The following RAB6B variants were observed in gnomAD, a reference collection of about 807,000 sequenced individuals.
RAB6B encodes the protein ras-related protein Rab-6B.
RAB6B carries 7 observed loss-of-function variants against 31.2 expected under a neutral mutation model. That is an observed-to-expected ratio of 0.22 (90% CI 0.13 to 0.42). The LOEUF is 0.42. RAB6B is among the 10% of genes least tolerant of loss of function. The pLI, the probability that RAB6B is intolerant of heterozygous loss-of-function variation, is 1.00. For missense variants in RAB6B, 149 were observed against 280.6 expected (o/e 0.53, Z 3.35); for synonymous variants, 105 against 104.9 (o/e 1.00, Z -0.01).
At chr3:133,835,946 T>C (rs1299585074) in intron 6 of RAB6B, among the ~76,000 whole-genome samples, 1 of 152,158 alleles carries the variant, frequency 6.6e-6, no homozygotes, top group Non-Finnish European at 1.5e-5. Flanking sequence ...CTGCCTATAG[T>C]GATTTGTTAC....
At chr3:133,846,171 G>C (rs1013919319) in intron 2 of RAB6B, among the ~76,000 whole-genome samples, 3 of 152,222 alleles carry the variant, frequency 2.0e-5, no homozygotes, top group Admixed American at 1.3e-4. Flanking sequence ...TGGAAGCTGG[G>C]CATGGTGGCT....
intron 7 of RAB6B, among the ~76,000 whole-genome samples, chr3:133,829,665 T>C (rs538024524): frequency 1.3e-5 from 2 of 152,222 alleles, no homozygotes; most frequent in Non-Finnish European, 2.9e-5. Flanking sequence ...AACACTGTTT[T>C]GGAACTTCTT....
At position 133,827,358 on chromosome 3, in the gene RAB6B, C is replaced by G. The variant is rs1935581130; in HGVS notation, c.*1430G>C. 6.6e-6 allele frequency: 1 copy of G among 152,360 alleles called. No individual in the cohort carries two copies. Among genetic ancestry groups the G allele is most frequent in the Non-Finnish European group, 1.5e-5 (1 of 68,144 alleles). 9.4% of individuals were successfully genotyped at this position (152,360 alleles called of 1,614,324 possible). A position where few individuals can be genotyped will look rare whatever the true frequency, so the allele number is the denominator to read the frequency against. On this transcript the variant is annotated 3_prime_UTR_variant, in exon 8 of 8. Coordinates refer to ENST00000285208, the MANE Select transcript of RAB6B (RefSeq NM_016577.4). ...TTGGCCAGACTCACTGCCCATTGCACCTGGCTCTGTGCAGGCTCAGGGCAG... is the reference window on the plus strand; with the variant it reads ...TTGGCCAGACTCACTGCCCATTGCAGCTGGCTCTGTGCAGGCTCAGGGCAG...
At chr3:133,831,478 C>T (rs562811433) in intron 7 of RAB6B, among the ~76,000 whole-genome samples, 92 of 152,300 alleles carry the variant, frequency 6.0e-4, no homozygotes, top group African/African-American at 2.0e-3. Flanking sequence ...TAATTTAAGT[C>T]GGAACACCCA....
intron 1 of RAB6B, among the ~76,000 whole-genome samples, chr3:133,875,286 GCA>G (rs1936378490): frequency 2.0e-5 from 3 of 151,946 alleles, no homozygotes; most frequent in African/African-American, 7.3e-5. Context: ...GTGTGTGTGT[GCA>G]TGTGTTAAGA....
chr3:133,869,230 C>G (rs1013741761), intron 1 of RAB6B, among the ~76,000 whole-genome samples: 1 of 152,256 alleles, frequency 6.6e-6, no homozygotes, highest in Admixed American at 6.5e-5. Flanking sequence ...GGGGGACACA[C>G]TTGGAGGCCC....
chr3:133,874,636 T>C (rs561099832), intron 1 of RAB6B, among the ~76,000 whole-genome samples: 4 of 152,234 alleles, frequency 2.6e-5, no homozygotes, highest in African/African-American at 4.8e-5. Context: ...TTTTCTTTAA[T>C]AATAAATTAA....
chr3:133,828,805 C>G lies in RAB6B; in HGVS notation c.610G>C (p.Gly204Arg). ...DKPQEPPASE[G>R]GCSC ...GCTCTGCATTAGCAGGAGCAGCCGC[C>G]CTCGCTGGCCGGGGGCTCCTGGGGT... The change falls in exon 8 of 8, where the codon GGC becomes CGC. Residue 204 changes from glycine (G) to arginine (R), a missense_variant. Gly to Arg is a moderately radical substitution (Grantham distance 125, BLOSUM62 -2). Around this residue, in one of 2 missense-constraint regions of RAB6B, gnomAD observed 74 missense variants for 100.5 expected, o/e 0.74. Transcript: ENST00000285208. 5.0e-6 allele frequency: 8 copies of G among 1,612,868 alleles called. No individual in the cohort carries two copies. Among genetic ancestry groups the G allele is most frequent in the Non-Finnish European group, 6.8e-6 (8 of 1,179,298 alleles).
intron 2 of RAB6B, among the ~76,000 whole-genome samples, chr3:133,842,991 C>A (rs1328627880): frequency 6.6e-6 from 1 of 152,212 alleles, no homozygotes; most frequent in Non-Finnish European, 1.5e-5. Flanking sequence ...TATCTCCAGT[C>A]CCCCCAGGCT....
chr3:133,874,203 T>C (rs1936361812), intron 1 of RAB6B, among the ~76,000 whole-genome samples: 1 of 152,216 alleles, frequency 6.6e-6, no homozygotes, highest in Admixed American at 6.5e-5. Flanking sequence ...GGGTCATCCA[T>C]CTATCTATCT....
intron 7 of RAB6B, among the ~76,000 whole-genome samples, chr3:133,831,893 C>G (rs937920100): frequency 1.3e-5 from 2 of 152,170 alleles, no homozygotes; most frequent in Non-Finnish European, 1.5e-5. Flanking sequence ...ATATGCTTCC[C>G]CAATCCCAGT....
intron 1 of RAB6B, among the ~76,000 whole-genome samples, chr3:133,886,572 G>A (rs1047517101): frequency 6.6e-6 from 1 of 152,094 alleles, no homozygotes; most frequent in Non-Finnish European, 1.5e-5. Flanking sequence ...GGGGAGCTGG[G>A]GAAAACACTG....
intron 4 of RAB6B, 57 bp from the exon 5 acceptor site, chr3:133,839,674 G>A (rs1935792696): frequency 7.7e-7 from 1 of 1,297,004 alleles, no homozygotes; most frequent in Non-Finnish European, 1.1e-6. Context: ...AGTGGGAGAT[G>A]GGAAGGGGAG....
intron 6 of RAB6B, among the ~76,000 whole-genome samples, chr3:133,835,659 A>G (rs1314371081): frequency 6.6e-6 from 1 of 152,080 alleles, no homozygotes; most frequent in Non-Finnish European, 1.5e-5. Flanking sequence ...GCAAATTCCT[A>G]TGTTGAAACA....
intron 1 of RAB6B, chr3:133,894,790 T>G (rs2715625): frequency 1 from 152,456 of 152,480 alleles, 76,216 homozygotes; most frequent in Non-Finnish European, 1. Flanking sequence ...GGAGGTAGGC[T>G]CCCCGTTCCC....
In RAB6B at chr3:133,862,671, G is replaced by A. The variant is rs537851706; in HGVS notation, c.129+1913C>T. ...AGGGAAGTCGGCTGGACCACAGGAT[G>A]GGGGACAAGCAGTAGGCAATGGGAG... On this transcript the variant is annotated intron_variant, in intron 2 of 7. Transcript: ENST00000285208. 5.3e-5 allele frequency among the ~76,000 whole-genome samples: 8 copies of A among 152,272 alleles called. No homozygotes were observed. In the South Asian group the frequency reaches 1.5e-3, roughly 28 times the overall value.
At chr3:133,894,670 G>A (rs2692679) in intron 1 of RAB6B, 14,213 of 152,236 alleles carry the variant, frequency 0.093, 733 homozygotes, top group South Asian at 0.21. Flanking sequence ...CTCGAGTTGG[G>A]GTAGCCCTCA....
chr3:133,894,417 G>C (rs887227303), intron 1 of RAB6B: 2 of 152,426 alleles, frequency 1.3e-5, no homozygotes, highest in African/African-American at 4.8e-5. Flanking sequence ...GTTTTCCTGG[G>C]GAGGGAGCCG....
intron 2 of RAB6B, 71 bp downstream of exon 2, chr3:133,864,513 C>T: frequency 6.6e-7 from 1 of 1,507,436 alleles, no homozygotes; most frequent in East Asian, 2.3e-5. Flanking sequence ...ACTCCCACCC[C>T]AGCTCAGCAA....
Sources: allele counts gnomAD v4.1 joint callset (sites outside exome capture counted in the v4.1 genomes callset), GRCh38; gene constraint gnomAD v4.1.1; regional missense constraint gnomAD v4.1.1; transcripts MANE v1.5; gene names NCBI Gene and HGNC (gene_info 2026-07-23, HGNC 2026-07-21).